The following CNGB3 variants were observed in gnomAD, a reference collection of about 807,000 sequenced individuals.
CNGB3 encodes the protein cyclic nucleotide-gated channel beta-3.
A neutral mutation model predicts 92.8 loss-of-function variants in CNGB3; 86 were observed. The observed-to-expected ratio is 0.93, with a 90% CI of 0.78 to 1.11. The LOEUF is 1.11. CNGB3 is among the 50% of genes least tolerant of loss of function. The probability of loss-of-function intolerance (pLI) is 0.00; values close to 1 mark genes in which losing one functional copy is unlikely to be tolerated. For missense variants in CNGB3, 1,026 were observed against 956.8 expected (o/e 1.07, Z -0.95); for synonymous variants, 333 against 332.7 (o/e 1.00, Z -0.01).
At chr8:86,736,283 T>A (rs1425523854) in intron 2 of CNGB3, among the ~76,000 whole-genome samples, 1 of 152,186 alleles carries the variant, frequency 6.6e-6, no homozygotes, top group Non-Finnish European at 1.5e-5. Flanking sequence ...CAAAATATCT[T>A]AAATATAACT....
chr8:86,705,797 T>G (rs919204491), intron 3 of CNGB3, among the ~76,000 whole-genome samples: 1 of 152,160 alleles, frequency 6.6e-6, no homozygotes, highest in African/African-American at 2.4e-5. Context: ...TTGCTGGGCT[T>G]TCTAAATTTG....
chr8:86,728,620 G>T (rs1255468239), intron 2 of CNGB3, among the ~76,000 whole-genome samples: 2 of 152,112 alleles, frequency 1.3e-5, no homozygotes, highest in African/African-American at 2.4e-5. Context: ...ATTCTTAATT[G>T]CTGGCCATGG....
Position 86,628,967 on chromosome 8 carries a change from G to A in CNGB3, c.1432C>T (p.Arg478Ter), listed in dbSNP as rs201320564. 1.5e-5 allele frequency: 24 copies of A among 1,613,762 alleles called. No homozygotes were observed. The highest frequency in any genetic ancestry group is 5.3e-5 in the African/African-American group (4 of 74,868). Residue 478 changes from arginine to a stop codon, truncating the protein, a stop_gained, in exon 12 of 18, where the codon CGA becomes TGA. Coordinates refer to ENST00000320005, the MANE Select transcript of CNGB3 (RefSeq NM_019098.5). LOFTEE classifies it high-confidence loss of function. The stretch of plus-strand genomic sequence containing the variant: ...GTATATTCATACCAAGTCCGAACTC[G>A]CTTTTGCACAAGTTTAGGAATGGAG... ...NYSIPKLVQK[R>*]VRTWYEYTWD...
chr8:86,681,862 C>A (rs964028945), intron 3 of CNGB3, among the ~76,000 whole-genome samples: 1 of 152,118 alleles, frequency 6.6e-6, no homozygotes, highest in South Asian at 2.1e-4. Context: ...TATTGCCAAA[C>A]CCTAGATAAG....
intron 3 of CNGB3, among the ~76,000 whole-genome samples, chr8:86,724,622 GATAATCAT>G (rs1328416032): frequency 3.3e-5 from 5 of 152,088 alleles, no homozygotes; most frequent in African/African-American, 1.2e-4. Context: ...TTTTCAGGCA[GATAATCAT>G]ATAAAATGCA....
chr8:86,727,538 G>A (rs559320398), intron 2 of CNGB3, among the ~76,000 whole-genome samples: 8 of 152,048 alleles, frequency 5.3e-5, no homozygotes, highest in Non-Finnish European at 7.4e-5. Context: ...ATTTCTTCCC[G>A]TCAAGCCTAC....
At chr8:86,690,495 C>T (rs1418841609) in intron 3 of CNGB3, among the ~76,000 whole-genome samples, 1 of 152,056 alleles carries the variant, frequency 6.6e-6, no homozygotes, top group East Asian at 1.9e-4. Flanking sequence ...AAATTTTCTC[C>T]CATTCTGTAG....
chr8:86,629,391 T>C (rs1475951161), intron 11 of CNGB3, among the ~76,000 whole-genome samples: 1 of 152,214 alleles, frequency 6.6e-6, no homozygotes, highest in East Asian at 1.9e-4. Flanking sequence ...AGCCATGTAA[T>C]GCATAGGACT....
chr8:86,688,487 T>A (rs1824232288), intron 3 of CNGB3, among the ~76,000 whole-genome samples: 2 of 152,096 alleles, frequency 1.3e-5, no homozygotes, highest in South Asian at 4.1e-4. Context: ...AGAGTTCCTT[T>A]CAAGACGCCA....
intron 13 of CNGB3, among the ~76,000 whole-genome samples, chr8:86,621,331 C>G (rs1484716793): frequency 2.0e-5 from 3 of 152,158 alleles, no homozygotes; most frequent in South Asian, 4.1e-4. Context: ...TATAATAAGA[C>G]ATACATTTTC....
chr8:86,694,626 C>T (rs1300404897), intron 3 of CNGB3, among the ~76,000 whole-genome samples: 6 of 141,802 alleles, frequency 4.2e-5, no homozygotes, highest in African/African-American at 1.6e-4. Flanking sequence ...CAGACAGGGT[C>T]GCGGCCGGGC....
rs149887494 is a variant in CNGB3, at chr8:86,676,250, C to T, written c.339-5152G>A. ...TGACTAATTTTGATGAGCATGGTAA[C>T]ATGAGTGGGTGGTGATCTGCGGTGA... On this transcript the variant is annotated intron_variant, in intron 3 of 17. Transcript: ENST00000320005. Among the ~76,000 whole-genome samples, 7 of 152,132 alleles carry T rather than the reference C, an allele frequency of 4.6e-5. No individual in the cohort carries two copies. In the East Asian group the frequency reaches 1.2e-3, roughly 25 times the overall value.
intron 15 of CNGB3, among the ~76,000 whole-genome samples, chr8:86,602,764 C>T (rs1443955676): frequency 6.6e-6 from 1 of 152,216 alleles, no homozygotes; most frequent in Non-Finnish European, 1.5e-5. Flanking sequence ...TGCTCCTCTA[C>T]TGTATCTTTT....
chr8:86,576,140 G>A lies in CNGB3; in HGVS notation c.2104-10C>T, dbSNP rs1287065813. On this transcript the variant is annotated splice_polypyrimidine_tract_variant and intron_variant, in intron 17 of 17. Transcript: ENST00000320005. ...CAGAATTTTCTTTCTTCTGGAAGGA[G>A]CAATTACAAAGAACTGGTGTTGAAA... The A allele has an allele frequency of 6.2e-7, 1 of 1,600,644 alleles. No individual in the cohort carries two copies. The highest frequency in any genetic ancestry group is 8.5e-7 in the Non-Finnish European group (1 of 1,178,764).
At chr8:86,593,356 T>A (rs1822089405) in intron 15 of CNGB3, among the ~76,000 whole-genome samples, 1 of 152,204 alleles carries the variant, frequency 6.6e-6, no homozygotes, top group African/African-American at 2.4e-5. Context: ...TATGGTACTT[T>A]GGCTGGAAAA....
chr8:86,643,961 G>A, intron 9 of CNGB3, 88 bp from the exon 10 acceptor site: 1 of 1,430,730 alleles, frequency 7.0e-7, no homozygotes, highest in Non-Finnish European at 9.6e-7. Flanking sequence ...AAAGTCACCA[G>A]CGAACCCCTT....
intron 7 of CNGB3, among the ~76,000 whole-genome samples, chr8:86,652,592 C>T (rs1256503263): frequency 2.0e-5 from 3 of 151,672 alleles, no homozygotes; most frequent in Admixed American, 6.6e-5. Flanking sequence ...TTTATTTTTA[C>T]TTTTAAGCTT....
chr8:86,716,037 A>G (rs1258632175), intron 3 of CNGB3, among the ~76,000 whole-genome samples: 1 of 152,120 alleles, frequency 6.6e-6, no homozygotes, highest in Non-Finnish European at 1.5e-5. Context: ...AATTTTAAAA[A>G]ATCACAACTT....
Position 86,668,017 on chromosome 8 carries a change from A to G in CNGB3, c.643+2T>C, listed in dbSNP as rs1391492794. 2 of 1,613,986 alleles carry G rather than the reference A, an allele frequency of 1.2e-6. No individual in the cohort carries two copies. Among genetic ancestry groups the G allele is most frequent in the South Asian group, 2.2e-5 (2 of 91,066 alleles). On this transcript the variant is annotated splice_donor_variant, in intron 5 of 17. Coordinates refer to ENST00000320005, the MANE Select transcript of CNGB3 (RefSeq NM_019098.5). LOFTEE classifies it high-confidence loss of function. ...CTATGATAATTCACCCTTTGATAAT[A>G]CCTGTGTATGAATCTATGCTGTTTG...
Sources: allele counts gnomAD v4.1 joint callset (sites outside exome capture counted in the v4.1 genomes callset), GRCh38; gene constraint gnomAD v4.1.1; transcripts MANE v1.5; gene names NCBI Gene and HGNC (gene_info 2026-07-23, HGNC 2026-07-21).